AFDN: variants seen among roughly 807,000 people sequenced by gnomAD.
AFDN encodes afadin.
AFDN carries 68 observed loss-of-function variants against 216.6 expected under a neutral mutation model. The ratio of observed to expected loss-of-function variants is 0.31; its 90% CI spans 0.26 to 0.38. The LOEUF is 0.38. AFDN is among the 10% of genes least tolerant of loss of function. AFDN has a pLI of 1.00. For missense variants in AFDN, 2,136 were observed against 2,342.0 expected, an observed-to-expected ratio of 0.91 and a Z score of 1.82; for synonymous variants, 868 against 853.7, an observed-to-expected ratio of 1.02 and a Z score of -0.29.
intron 9 of AFDN, among the ~76,000 whole-genome samples, chr6:167,894,583 T>C (rs1348998683): frequency 2.0e-5 from 3 of 152,210 alleles, no homozygotes; most frequent in Non-Finnish European, 4.4e-5. Flanking sequence ...CACTGAATCC[T>C]GTGGCCACCA....
Position 167,966,030 on chromosome 6 carries a change from G to T in AFDN, c.5242G>T (p.Asp1748Tyr). The T allele has an allele frequency of 6.5e-7, 1 of 1,547,222 alleles. No homozygotes were observed. The highest frequency in any genetic ancestry group is 1.2e-5 in the South Asian group (1 of 84,048). ...ATACAATGAGGAGGAGGAGGAGGAG[G>T]ACTGCAGCCTAGCAGGTCAGGATAA... The part of the protein sequence containing the change: ...VAYNEEEEEE[D>Y]CSLAGPNSYP... The change falls in exon 32 of 34, where the codon GAC becomes TAC. Residue 1748 changes from aspartate (D) to tyrosine (Y), a missense_variant. Asp to Tyr is a radical substitution (Grantham distance 160). This residue lies in a region of AFDN where 981 missense variants were observed against 966.0 expected (regional missense o/e 1.02). Coordinates refer to ENST00000683244, the MANE Select transcript of AFDN (RefSeq NM_001386888.1).
chr6:167,893,863 G>T lies in AFDN; in HGVS notation c.1179G>T (p.Gly393=). 1 of 1,586,688 alleles carries T rather than the reference G, an allele frequency of 6.3e-7. No individual in the cohort carries two copies. The highest frequency in any genetic ancestry group is 2.3e-5 in the East Asian group (1 of 44,110). The change falls in exon 9 of 34, where the codon GGG becomes GGT. Residue 393 remains glycine (G), a splice_region_variant and synonymous_variant. Transcript: ENST00000683244. ...KLPYLVELSP[G]RRNHFAYYNY... is the part of the protein sequence containing the mutation. The stretch of plus-strand genomic sequence containing the variant: ...TCCTGGCATGTGTCTTAACCCCAGG[G>T]AGAAGGAATCACTTTGCCTACTACA...
In AFDN at chr6:167,966,280, AAAGAGTGACAAATC is replaced by A. The variant is rs1236648337; in HGVS notation, c.5257+237_5257+250del. The A allele has an allele frequency of 1.1e-5, 17 of 1,500,292 alleles. No homozygotes were observed. In the Admixed American group the frequency reaches 2.9e-4, roughly 25 times the overall value. 92.9% of individuals were successfully genotyped at this position (1,500,292 alleles called of 1,614,324 possible). A position where few individuals can be genotyped will look rare whatever the true frequency, so the allele number is the denominator to read the frequency against. On this transcript the variant is annotated intron_variant, in intron 32 of 33. Transcript: ENST00000683244. Reference sequence around the variant, plus strand: ...CCCAGCCACTGCAAAGGTAGAGGTAAAAGAGTGACAAATCAGCTCTCTTTGTCTTAATGATTGGA... The same window carrying A: ...CCCAGCCACTGCAAAGGTAGAGGTAAAGCTCTCTTTGTCTTAATGATTGGA...
In AFDN at chr6:167,951,713, T is replaced by C. The variant is rs766365479; in HGVS notation, c.4359T>C (p.Thr1453=). 1.9e-6 allele frequency: 3 copies of C among 1,614,028 alleles called. No homozygotes were observed. The South Asian group carries it at 3.3e-5, about 18-fold the overall frequency. ...AGAGGAAGTTGGGCCAGATGCGCAC[T>C]CAGTCCTTAAACCCTGCTCCGTTTT... The part of the protein sequence containing the change: ...EQERKLGQMR[T]QSLNPAPFSP... The change falls in exon 30 of 34, where the codon ACT becomes ACC. Residue 1453 remains threonine, a synonymous_variant. Transcript: ENST00000683244. The surrounding 1 kb of genome is among the most constrained non-coding windows in gnomAD (Gnocchi z 7.1).
At chr6:167,922,789 T>C (rs1399783865) in intron 21 of AFDN, 67 bp from the exon 22 acceptor site, 1 of 1,062,500 alleles carries the variant, frequency 9.4e-7, no homozygotes, top group Non-Finnish European at 1.4e-6. Flanking sequence ...AATTGGTAAT[T>C]AATCTTGCTT....
In AFDN at chr6:167,952,004, C is replaced by A; in HGVS notation, c.4650C>A (p.Leu1550=). 1 of 1,614,164 alleles carries A rather than the reference C, an allele frequency of 6.2e-7. No individual in the cohort carries two copies. Among genetic ancestry groups the A allele is most frequent in the African/African-American group, 1.3e-5 (1 of 75,036 alleles). ...TGCTGAGCAAGGAGATCCAGGAGCT[C>A]CAGAGCAAACCGGACCGCAGCGCCG... ...VDMLSKEIQE[L]QSKPDRSAEE... is the part of the protein sequence containing the mutation. The change falls in exon 30 of 34, where the codon CTC becomes CTA. Residue 1550 remains leucine, a synonymous_variant. Transcript: ENST00000683244.
At chr6:167,871,599 C>T (rs1784803126) in intron 3 of AFDN, among the ~76,000 whole-genome samples, 1 of 152,164 alleles carries the variant, frequency 6.6e-6, no homozygotes, top group Admixed American at 6.5e-5. Flanking sequence ...TAATGCATCT[C>T]TGTCATCTGC....
In AFDN at chr6:167,914,165, C is replaced by T; in HGVS notation, c.2059-3C>T. 6.2e-7 allele frequency: 1 copy of T among 1,613,576 alleles called. No homozygotes were observed. The highest frequency in any genetic ancestry group is 8.5e-7 in the Non-Finnish European group (1 of 1,179,734). ...TGCTTATGGAAGTGTGTTCTGTCTACAGAAACAGAAGAATATTGCAGGGGC... is the reference window on the plus strand; with the variant it reads ...TGCTTATGGAAGTGTGTTCTGTCTATAGAAACAGAAGAATATTGCAGGGGC... On this transcript the variant is annotated splice_polypyrimidine_tract_variant and splice_region_variant and intron_variant, in intron 16 of 33. Transcript: ENST00000683244.
rs1554278986 is a variant in AFDN, at chr6:167,844,863, T to TTTTG, written c.105+17629_105+17630insGTTT. On this transcript the variant is annotated intron_variant, in intron 1 of 33. Transcript: ENST00000683244. ...CCTTTTCTTTTCTTTTTTTTTTTTT[T>TTTTG]TTTTTTTGGTTTTTGAGACAGGGTC... 4.8e-3 allele frequency among the ~76,000 whole-genome samples: 702 copies of TTTTG among 146,082 alleles called. 6 individuals are homozygous for TTTTG. Among genetic ancestry groups the TTTTG allele is most frequent in the African/African-American group, 0.017 (677 of 39,566 alleles).
chr6:167,843,688 T>C (rs1781323427), intron 1 of AFDN, among the ~76,000 whole-genome samples: 1 of 151,636 alleles, frequency 6.6e-6, no homozygotes, highest in South Asian at 2.1e-4. Flanking sequence ...TGTAGATTTC[T>C]TTAGAAATAG....
chr6:167,869,957 G>T (rs1271485115), intron 2 of AFDN, among the ~76,000 whole-genome samples: 1 of 152,122 alleles, frequency 6.6e-6, no homozygotes, highest in East Asian at 1.9e-4. Context: ...ATCGCTTTGT[G>T]TGGGGTATAA....
chr6:167,919,023 G>C, intron 21 of AFDN, 90 bp downstream of exon 21: 1 of 1,089,922 alleles, frequency 9.2e-7, no homozygotes, highest in Non-Finnish European at 1.4e-6. Flanking sequence ...TAGTCCACTT[G>C]TGTGGGAGTG....
intron 19 of AFDN, among the ~76,000 whole-genome samples, chr6:167,916,087 T>C (rs1003795971): frequency 5.3e-5 from 8 of 152,212 alleles, no homozygotes; most frequent in African/African-American, 1.9e-4. Flanking sequence ...TGATTCCTTC[T>C]GGGGGCTCTG....
At chr6:167,850,404 AGT>A (rs1782166300) in intron 1 of AFDN, among the ~76,000 whole-genome samples, 1 of 152,068 alleles carries the variant, frequency 6.6e-6, no homozygotes, top group Non-Finnish European at 1.5e-5. Flanking sequence ...AGTTGCTTTA[AGT>A]TTTTTTTTCT....
At chr6:167,864,528 T>G in intron 1 of AFDN, 23 bp from the exon 2 acceptor site, 1 of 1,595,090 alleles carries the variant, frequency 6.3e-7, no homozygotes, top group Non-Finnish European at 8.6e-7. Flanking sequence ...TTTCCAAAAA[T>G]GTACCATTTT....
intron 7 of AFDN, 61 bp downstream of exon 7, chr6:167,889,387 C>A: frequency 8.9e-7 from 1 of 1,128,930 alleles, no homozygotes; most frequent in African/African-American, 1.5e-5. Context: ...CAGGTGTTCA[C>A]CTTATCACAT....
chr6:167,961,169 A>G (rs1447314618), intron 30 of AFDN, among the ~76,000 whole-genome samples: 1 of 152,214 alleles, frequency 6.6e-6, no homozygotes, highest in African/African-American at 2.4e-5. Flanking sequence ...TTCTGTAGAA[A>G]TTGAAGCACG....
chr6:167,904,652 T>G (rs1355378183), intron 12 of AFDN, among the ~76,000 whole-genome samples: 2 of 152,166 alleles, frequency 1.3e-5, no homozygotes, highest in Non-Finnish European at 2.9e-5. Flanking sequence ...AAGACAATAC[T>G]ACCATCTGCA....
intron 23 of AFDN, among the ~76,000 whole-genome samples, chr6:167,931,612 G>A (rs1026274342): frequency 3.3e-5 from 5 of 151,814 alleles, no homozygotes; most frequent in African/African-American, 7.3e-5. Flanking sequence ...TTTTTTTCCA[G>A]TTTACTTGTA....
Sources: gnomAD v4.1 joint callset for allele counts (sites outside exome capture counted in the v4.1 genomes callset) on GRCh38, gnomAD v4.1.1 for gene constraint, gnomAD v4.1.1 regional missense constraint, Gnocchi (gnomAD v3.1) non-coding constraint, MANE v1.5 for transcripts, NCBI Gene and HGNC (gene_info 2026-07-23, HGNC 2026-07-21) for gene names.